Variants in PHF8 observed in about 807,000 individuals in gnomAD.
PHF8 encodes PHD finger protein 8.
PHF8 carries 9 observed loss-of-function variants against 74.4 expected under a neutral mutation model. The observed-to-expected ratio is 0.12, with a 90% CI of 0.07 to 0.21. The LOEUF (loss-of-function observed/expected upper bound fraction) is 0.21, where lower values mean the gene tolerates loss of function less well. Ranked by LOEUF, PHF8 falls within the 10% of genes least tolerant of loss-of-function variation. PHF8 has a pLI of 1.00. For synonymous variants in PHF8, 311 were observed against 316.6 expected, an observed-to-expected ratio of 0.98 and a Z score of 0.19; for missense variants, 478 against 816.6, an observed-to-expected ratio of 0.59 and a Z score of 5.05.
In PHF8 at chrX:53,938,948, T is replaced by C; in HGVS notation, c.*210A>G. 1 of 993,895 alleles carries C rather than the reference T, an allele frequency of 1.0e-6. No individual in the cohort carries two copies. Among genetic ancestry groups the C allele is most frequent in the South Asian group, 4.1e-5 (1 of 24,159 alleles). 81.9% of individuals were successfully genotyped at this position (993,895 alleles called of 1,213,427 possible). ...CCTCTCCCATTTACCTGCTCCTCAGTGGAGAAGGCAGGCAGGATGCTCTAG... is the reference window on the plus strand; with the variant it reads ...CCTCTCCCATTTACCTGCTCCTCAGCGGAGAAGGCAGGCAGGATGCTCTAG... On this transcript the variant is annotated 3_prime_UTR_variant, in exon 22 of 22. Transcript: ENST00000338154.
chrX:54,028,014 A>G (rs782406783), intron 2 of PHF8, among the ~76,000 whole-genome samples: 2 of 110,470 alleles, frequency 1.8e-5, no homozygotes, highest in South Asian at 7.9e-4. Flanking sequence ...ACACACACAC[A>G]CACACAATGG....
chrX:53,986,048 G>A, intron 16 of PHF8, 99 bp from the exon 17 acceptor site: 2 of 811,337 alleles, frequency 2.5e-6, no homozygotes, highest in Non-Finnish European at 3.7e-6. Flanking sequence ...AATATCTTCT[G>A]AGCACCAAGT....
chrX:54,015,653 G>A (rs1222498383), intron 6 of PHF8, among the ~76,000 whole-genome samples: 1 of 109,290 alleles, frequency 9.1e-6, no homozygotes, highest in African/African-American at 3.3e-5. Context: ...TTACCATTGA[G>A]GGAAAGTGGC....
At chrX:53,947,658 C>T (rs2064851654) in intron 19 of PHF8, among the ~76,000 whole-genome samples, 1 of 112,266 alleles carries the variant, frequency 8.9e-6, no homozygotes, top group Non-Finnish European at 1.9e-5. Context: ...CTGTGCCCCA[C>T]TCTTGAATCT....
chrX:53,987,906 G>C lies in PHF8; in HGVS notation c.1769C>G (p.Thr590Ser), dbSNP rs1284590610. The C allele has an allele frequency of 8.3e-7, 1 of 1,206,970 alleles. No individual in the cohort carries two copies. The highest frequency in any genetic ancestry group is 2.2e-5 in the Admixed American group (1 of 45,566). ...RVKSLSKSRR[T>S]KIAKKVDKAR... Reference sequence around the variant, plus strand: ...CTTGTCTACCTTCTTTGCTATCTTGGTTCGCCGAGATTTGGATAAACTCTT... The same window carrying C: ...CTTGTCTACCTTCTTTGCTATCTTGCTTCGCCGAGATTTGGATAAACTCTT... Residue 590 changes from threonine to serine, a missense_variant, in exon 15 of 22, where the codon ACC becomes AGC. By Grantham distance (58) the Thr-to-Ser change is moderately conservative. Transcript: ENST00000338154.
chrX:54,031,513 C>A (rs1557112543), intron 2 of PHF8, among the ~76,000 whole-genome samples: 1 of 108,201 alleles, frequency 9.2e-6, no homozygotes, highest in Non-Finnish European at 1.9e-5. Flanking sequence ...ACAGGTTTCA[C>A]TGAATTCTGG....
At chrX:54,004,633 A>G (rs2065870840) in intron 8 of PHF8, among the ~76,000 whole-genome samples, 1 of 111,684 alleles carries the variant, frequency 9.0e-6, no homozygotes, top group African/African-American at 3.3e-5. Context: ...TTTAGAAATG[A>G]AAAGTACTGT....
At chrX:53,949,619 T>C (rs1785234334) in intron 19 of PHF8, among the ~76,000 whole-genome samples, 1 of 109,278 alleles carries the variant, frequency 9.2e-6, no homozygotes, top group Admixed American at 9.9e-5. Flanking sequence ...AAGACCATCC[T>C]GGCTAACACA....
At chrX:53,973,346 C>A (rs1172957341) in intron 18 of PHF8, among the ~76,000 whole-genome samples, 2 of 111,663 alleles carry the variant, frequency 1.8e-5, no homozygotes, top group African/African-American at 6.5e-5. Context: ...CCAGGACAAT[C>A]CGAAGCAAAA....
intron 18 of PHF8, among the ~76,000 whole-genome samples, chrX:53,966,043 A>G (rs782003128): frequency 1.2e-4 from 13 of 112,135 alleles, no homozygotes; most frequent in African/African-American, 3.9e-4. Context: ...AACCAGAAGA[A>G]TGATGTCTTA....
rs1260685086 is a variant in PHF8, at chrX:53,938,705, G to A, written c.*453C>T. On this transcript the variant is annotated 3_prime_UTR_variant, in exon 22 of 22. Coordinates refer to ENST00000338154, the MANE Select transcript of PHF8 (RefSeq NM_015107.3). ...ATGTCCACTGGACTGGGGAAATGGG[G>A]CAAACAGAATGGGTGGAGGTGGGCA... 122 of 758,385 alleles carry A rather than the reference G, an allele frequency of 1.6e-4. No individual in the cohort carries two copies. The highest frequency in any genetic ancestry group is 1.9e-4 in the Non-Finnish European group (120 of 643,202). The allele number at this position is 758,385 out of a possible 1,213,427, so 62.5% of individuals were successfully genotyped here. A position where few individuals can be genotyped will look rare whatever the true frequency, so the allele number is the denominator to read the frequency against.
At position 53,985,084 on chromosome X, in the gene PHF8, G is replaced by A; in HGVS notation, c.2273C>T (p.Ser758Phe). ...AGACACTGTGCCCAGCCCACTGCTG[G>A]AGCTCCCACTGCTTCGATCCTGTCC... ...TGGQDRSSGS[S>F]SSGLGTVSNS... The change falls in exon 18 of 22, where the codon TCC (serine) becomes TTC (phenylalanine). Residue 758 changes from serine (S) to phenylalanine (F), a missense_variant. Physicochemically the swap from Ser to Phe is radical, Grantham distance 155. This residue lies in a region of PHF8 where 51 missense variants were observed against 45.8 expected (regional missense o/e 1.11). Coordinates refer to ENST00000338154, the MANE Select transcript of PHF8 (RefSeq NM_015107.3). 1 of 1,211,323 alleles carries A rather than the reference G, an allele frequency of 8.3e-7. No individual in the cohort carries two copies. Among genetic ancestry groups the A allele is most frequent in the Non-Finnish European group, 1.1e-6 (1 of 895,282 alleles).
chrX:53,979,241 G>A (rs1022531436), intron 18 of PHF8, among the ~76,000 whole-genome samples: 1 of 110,762 alleles, frequency 9.0e-6, no homozygotes, highest in Non-Finnish European at 1.9e-5. Flanking sequence ...AATTAGCCAG[G>A]CGTGGTGGCG....
chrX:54,033,688 T>C (rs782177409), intron 2 of PHF8, among the ~76,000 whole-genome samples: 7 of 109,637 alleles, frequency 6.4e-5, no homozygotes, highest in Non-Finnish European at 1.3e-4. Flanking sequence ...CACTCCAGCC[T>C]GGGCAACAGA....
intron 19 of PHF8, among the ~76,000 whole-genome samples, chrX:53,954,045 C>G (rs149556738): frequency 0.099 from 11,051 of 111,476 alleles, 953 homozygotes; most frequent in African/African-American, 0.28. Flanking sequence ...AATCCATCAA[C>G]AAGGTATAAC....
At position 53,938,792 on chromosome X, in the gene PHF8, G is replaced by GCTCAGGCTCCTTCATAC. The variant is rs1288226864; in HGVS notation, c.*349_*365dup. 1.3e-6 allele frequency: 1 copy of GCTCAGGCTCCTTCATAC among 788,297 alleles called. No homozygotes were observed. The highest frequency in any genetic ancestry group is 1.1e-4 in the East Asian group (1 of 9,024). 65.0% of individuals were successfully genotyped at this position (788,297 alleles called of 1,213,427 possible). A position where few individuals can be genotyped will look rare whatever the true frequency, so the allele number is the denominator to read the frequency against. ...CAAGCACTGGGCTTCCCACTTCATG[G>GCTCAGGCTCCTTCATAC]CTCAGGCTCCTTCATACCTCTCCTC... is the stretch of plus-strand genomic sequence containing the variant. On this transcript the variant is annotated 3_prime_UTR_variant, in exon 22 of 22. Transcript: ENST00000338154.
At chrX:53,999,623 G>C in intron 11 of PHF8, 1 of 360,276 alleles carries the variant, frequency 2.8e-6, no homozygotes, top group Non-Finnish European at 4.9e-6. Context: ...AAAATCATAG[G>C]TGATAATTTT....
intron 18 of PHF8, among the ~76,000 whole-genome samples, chrX:53,971,003 A>T (rs1018966007): frequency 1.8e-5 from 2 of 111,789 alleles, no homozygotes; most frequent in Non-Finnish European, 3.8e-5. Flanking sequence ...GACCTGATAG[A>T]TATCTACAGA....
Position 54,044,431 on chromosome X carries a change from A to C in PHF8, c.-762T>G. On this transcript the variant is annotated 5_prime_UTR_variant, in exon 1 of 22. Transcript: ENST00000338154. The stretch of plus-strand genomic sequence containing the variant: ...TGTTGAGAGTGGCGGCGCTACCCAG[A>C]CAACCAAGGCGACCGCCATCTTATG... 5.3e-6 allele frequency: 4 copies of C among 753,310 alleles called. No homozygotes were observed. Among genetic ancestry groups the C allele is most frequent in the Non-Finnish European group, 4.7e-6 (3 of 637,954 alleles). The allele number at this position is 753,310 out of a possible 1,213,427, so 62.1% of individuals were successfully genotyped here.
Sources: allele counts gnomAD v4.1 joint callset (sites outside exome capture counted in the v4.1 genomes callset), GRCh38; gene constraint gnomAD v4.1.1; regional missense constraint gnomAD v4.1.1; transcripts MANE v1.5; gene names NCBI Gene and HGNC (gene_info 2026-07-23, HGNC 2026-07-21).